The following TTC13 variants were observed in gnomAD, a reference collection of about 807,000 sequenced individuals.
TTC13 encodes tetratricopeptide repeat domain 13.
Under a neutral mutation model 120.0 loss-of-function variants are expected in TTC13, and 62 were observed. The observed-to-expected ratio is 0.52, with a 90% CI of 0.42 to 0.64. TTC13 has a LOEUF of 0.64. TTC13 is among the 30% of genes least tolerant of loss of function. The probability of loss-of-function intolerance (pLI) is 0.00; values close to 1 mark genes in which losing one functional copy is unlikely to be tolerated. For missense variants in TTC13, 824 were observed against 1,050.2 expected, an observed-to-expected ratio of 0.78 and a Z score of 2.98; for synonymous variants, 384 against 393.5, an observed-to-expected ratio of 0.98 and a Z score of 0.28.
At chr1:230,951,112 C>G (rs1356959807) in intron 4 of TTC13, among the ~76,000 whole-genome samples, 1 of 151,996 alleles carries the variant, frequency 6.6e-6, no homozygotes, top group Non-Finnish European at 1.5e-5. Flanking sequence ...TTTGAAACAC[C>G]GAGGATTATG....
chr1:230,912,389 C>T (rs937893417), intron 19 of TTC13, among the ~76,000 whole-genome samples: 36 of 152,020 alleles, frequency 2.4e-4, no homozygotes, highest in African/African-American at 8.7e-4. Context: ...TTGTCAAAGC[C>T]CAAACTTATG....
chr1:230,963,632 CT>C lies in TTC13; in HGVS notation c.272-2330del, dbSNP rs1420461980. ...TCTGGATGACAGAGTAAGACCCTGT[CT>C]CAAAATAAATAAATAAATAAATAAA... On this transcript the variant is annotated intron_variant, in intron 1 of 22. Transcript: ENST00000366661. 2.5e-5 allele frequency among the ~76,000 whole-genome samples: 3 copies of C among 119,870 alleles called. No individual in the cohort carries two copies. The East Asian group carries it at 6.2e-4, about 25-fold the overall frequency. 78.6% of individuals were successfully genotyped at this position (119,870 alleles called of 152,430 possible).
rs1674768465 is a variant in TTC13 at position 230,944,119 on chromosome 1, G to C, written c.580-221C>G. 6.6e-6 allele frequency among the ~76,000 whole-genome samples: 1 copy of C among 152,078 alleles called. No individual in the cohort carries two copies. Among genetic ancestry groups the C allele is most frequent in the Admixed American group, 6.5e-5 (1 of 15,274 alleles). ...CTACTTACTCAACAATAACATGTTA[G>C]ACCCGGCTACCTATCACAAATTCCA... On this transcript the variant is annotated intron_variant, in intron 5 of 22. Transcript: ENST00000366661. This position sits in a 1 kb window ranked among gnomAD's most constrained non-coding sequence, Gnocchi z 4.0.
chr1:230,907,210 C>T (rs185607944), intron 22 of TTC13, among the ~76,000 whole-genome samples, 191 bp from the exon 23 acceptor site: 54 of 152,338 alleles, frequency 3.5e-4, no homozygotes, highest in Non-Finnish European at 7.2e-4. Flanking sequence ...CATCAGCCAA[C>T]ACGTTACAAG....
At chr1:230,922,192 C>G (rs1672639537) in intron 15 of TTC13, among the ~76,000 whole-genome samples, 1 of 152,206 alleles carries the variant, frequency 6.6e-6, no homozygotes, top group Non-Finnish European at 1.5e-5. Context: ...CCTAATGGGA[C>G]AACCACGTAC....
Position 230,940,325 on chromosome 1 carries a change from C to T in TTC13, c.789+115G>A, listed in dbSNP as rs181950969. 51 of 617,966 alleles carry T rather than the reference C, an allele frequency of 8.3e-5. No homozygotes were observed. In the East Asian group the frequency reaches 8.9e-4, roughly 11 times the overall value. The allele number at this position is 617,966 out of a possible 1,614,324, so 38.3% of individuals were successfully genotyped here. On this transcript the variant is annotated intron_variant, in intron 7 of 22. Coordinates refer to ENST00000366661, the MANE Select transcript of TTC13 (RefSeq NM_024525.5). The surrounding 1 kb of genome is among the most constrained non-coding windows in gnomAD (Gnocchi z 4.1). ...AAATGCTTTTATAACTCTTATGACACAGACATATTACTAAACAGTCAAAGC... is the reference window on the plus strand; with the variant it reads ...AAATGCTTTTATAACTCTTATGACATAGACATATTACTAAACAGTCAAAGC...
intron 4 of TTC13, among the ~76,000 whole-genome samples, chr1:230,952,501 C>T (rs897224052): frequency 6.6e-6 from 1 of 152,246 alleles, no homozygotes; most frequent in African/African-American, 2.4e-5. Flanking sequence ...GCAGTCCAAT[C>T]TTATAATCCA....
chr1:230,933,767 T>G lies in TTC13; in HGVS notation c.983+12A>C, dbSNP rs1673786035. The stretch of plus-strand genomic sequence containing the variant: ...GCCTCCCTCCTACCCCAACTGTTAT[T>G]ATTTTACTCACCTATATGCCTGCCC... On this transcript the variant is annotated intron_variant, in intron 9 of 22. Coordinates refer to ENST00000366661, the MANE Select transcript of TTC13 (RefSeq NM_024525.5). The G allele has an allele frequency of 2.0e-6, 3 of 1,532,706 alleles. No homozygotes were observed. The highest frequency in any genetic ancestry group is 2.7e-6 in the Non-Finnish European group (3 of 1,120,056). 94.9% of individuals were successfully genotyped at this position (1,532,706 alleles called of 1,614,324 possible).
intron 15 of TTC13, among the ~76,000 whole-genome samples, chr1:230,923,441 G>C (rs1672772310): frequency 6.6e-6 from 1 of 152,078 alleles, no homozygotes; most frequent in African/African-American, 2.4e-5. Context: ...CCCACCGTGA[G>C]AGACTCCACC....
intron 17 of TTC13, among the ~76,000 whole-genome samples, chr1:230,918,552 A>G (rs942724345): frequency 2.6e-5 from 4 of 152,180 alleles, no homozygotes; most frequent in African/African-American, 9.7e-5. Flanking sequence ...TCTTAGTGCA[A>G]TAAAGGAGTC....
rs1300132953 is a variant in TTC13, at chr1:230,929,238, T to G, written c.1301-145A>C. The G allele has an allele frequency of 3.9e-6, 3 of 766,644 alleles. No individual in the cohort carries two copies. The South Asian group carries it at 6.8e-5, about 17-fold the overall frequency. 47.5% of individuals were successfully genotyped at this position (766,644 alleles called of 1,614,324 possible). On this transcript the variant is annotated intron_variant, in intron 11 of 22. Coordinates refer to ENST00000366661, the MANE Select transcript of TTC13 (RefSeq NM_024525.5). ...TTTCTAAATTTTAGTAAGTCACTAT[T>G]AGTATATGATAGAGGTAACCTGCCA...
chr1:230,947,470 T>C (rs1008209621), intron 4 of TTC13, among the ~76,000 whole-genome samples: 1 of 152,074 alleles, frequency 6.6e-6, no homozygotes, highest in Non-Finnish European at 1.5e-5. Flanking sequence ...AGCAGGGGTG[T>C]CCAATCTTTT....
In TTC13 at chr1:230,923,938, A is replaced by G; in HGVS notation, c.1722-5T>C. The G allele has an allele frequency of 6.2e-7, 1 of 1,609,560 alleles. No individual in the cohort carries two copies. The highest frequency in any genetic ancestry group is 8.5e-7 in the Non-Finnish European group (1 of 1,176,888). ...GGCTGGTCTGGGTCAGCAATCCTAT[A>G]AAACAGAGACCTTTATAAAACCAGA... On this transcript the variant is annotated splice_polypyrimidine_tract_variant and splice_region_variant and intron_variant, in intron 14 of 22. Transcript: ENST00000366661.
Position 230,931,239 on chromosome 1 carries a change from A to G in TTC13, c.1300+59T>C, listed in dbSNP as rs1286480166. 6 of 1,560,980 alleles carry G rather than the reference A, an allele frequency of 3.8e-6. No individual in the cohort carries two copies. The Admixed American group carries it at 8.7e-5, about 23-fold the overall frequency. The stretch of plus-strand genomic sequence containing the variant: ...ATACGAAACATAAAAGAGTCAAGCA[A>G]TATGATTTCTACAGCTTTGAGCATG... On this transcript the variant is annotated intron_variant, in intron 11 of 22. Coordinates refer to ENST00000366661, the MANE Select transcript of TTC13 (RefSeq NM_024525.5).
chr1:230,923,103 TG>T (rs1242024472), intron 15 of TTC13, among the ~76,000 whole-genome samples: 1 of 152,212 alleles, frequency 6.6e-6, no homozygotes, highest in Non-Finnish European at 1.5e-5. Context: ...TTCAGCTTCC[TG>T]GAACTAGAAG....
chr1:230,963,495 G>C (rs531137027), intron 1 of TTC13, among the ~76,000 whole-genome samples: 1 of 151,948 alleles, frequency 6.6e-6, no homozygotes, highest in Non-Finnish European at 1.5e-5. Context: ...AATTAGCTGG[G>C]TGTGGTAGTA....
At chr1:230,976,284 C>G (rs528383285) in intron 1 of TTC13, among the ~76,000 whole-genome samples, 2 of 152,192 alleles carry the variant, frequency 1.3e-5, no homozygotes, top group South Asian at 4.1e-4. Context: ...TCTCCGGATA[C>G]AGAGCATCAG....
At chr1:230,907,422 G>A (rs149724375) in intron 22 of TTC13, among the ~76,000 whole-genome samples, 117 of 152,358 alleles carry the variant, frequency 7.7e-4, no homozygotes, top group African/African-American at 2.5e-3. Flanking sequence ...AAGTTACCAT[G>A]AGCTCTGAAT....
At chr1:230,928,321 T>C (rs144500588) in intron 12 of TTC13, among the ~76,000 whole-genome samples, 2,045 of 152,334 alleles carry the variant, frequency 0.013, 22 homozygotes, top group Non-Finnish European at 0.022. Context: ...TTTTGTGATC[T>C]CCATACAGAT....
Sources: gnomAD v4.1 joint callset for allele counts (sites outside exome capture counted in the v4.1 genomes callset) on GRCh38, gnomAD v4.1.1 for gene constraint, Gnocchi (gnomAD v3.1) non-coding constraint, MANE v1.5 for transcripts, NCBI Gene and HGNC (gene_info 2026-07-23, HGNC 2026-07-21) for gene names.